Variants in CTNNA3 observed in about 807,000 individuals in gnomAD.
CTNNA3 encodes the protein catenin alpha 3, also known as catenin alpha-3.
A neutral mutation model predicts 95.7 loss-of-function variants in CTNNA3; 76 were observed. The ratio of observed to expected loss-of-function variants is 0.79; its 90% CI spans 0.66 to 0.96. The LOEUF (loss-of-function observed/expected upper bound fraction) is 0.96, where lower values mean the gene tolerates loss of function less well. CTNNA3 is among the 40% of genes least tolerant of loss of function. The pLI is 0.00. For synonymous variants in CTNNA3, 431 were observed against 374.4 expected (o/e 1.15, Z -1.74); for missense variants, 1,191 against 1,089.8 (o/e 1.09, Z -1.31).
At chr10:66,896,728 C>A (rs1916382) in intron 7 of CTNNA3, among the ~76,000 whole-genome samples, 60,418 of 152,046 alleles carry the variant, frequency 0.4, 12,319 homozygotes, top group Non-Finnish European at 0.44. Flanking sequence ...CCTCCTCTTG[C>A]TAGCGTCCAT....
At chr10:66,674,866 T>A (rs1397131475) in intron 9 of CTNNA3, among the ~76,000 whole-genome samples, 1 of 152,040 alleles carries the variant, frequency 6.6e-6, no homozygotes, top group Non-Finnish European at 1.5e-5. Context: ...CCCAGGTGCA[T>A]ATGCTGGAAA....
chr10:66,455,362 G>A (rs1290030527), intron 11 of CTNNA3, among the ~76,000 whole-genome samples: 3 of 152,098 alleles, frequency 2.0e-5, no homozygotes, highest in Non-Finnish European at 4.4e-5. Context: ...GAAATCCCAA[G>A]AAATCCACAA....
At chr10:66,613,831 G>T (rs1427211997) in intron 10 of CTNNA3, among the ~76,000 whole-genome samples, 1 of 151,936 alleles carries the variant, frequency 6.6e-6, no homozygotes, top group African/African-American at 2.4e-5. Context: ...GATTCTTAAA[G>T]AATATGGTCA....
chr10:67,220,496 A>T (rs1248040658), intron 5 of CTNNA3, among the ~76,000 whole-genome samples: 4 of 152,170 alleles, frequency 2.6e-5, no homozygotes, highest in Non-Finnish European at 4.4e-5. Flanking sequence ...TTTGGGGGGA[A>T]AGGGCCTACA....
At chr10:66,601,995 T>C (rs1178725595) in intron 10 of CTNNA3, among the ~76,000 whole-genome samples, 1 of 151,944 alleles carries the variant, frequency 6.6e-6, no homozygotes, top group African/African-American at 2.4e-5. Context: ...GACACTAGCA[T>C]TGTCAGTTAT....
chr10:67,025,219 C>T (rs759435819), intron 7 of CTNNA3, among the ~76,000 whole-genome samples: 4 of 151,410 alleles, frequency 2.6e-5, no homozygotes, highest in African/African-American at 7.3e-5. Flanking sequence ...GTATCACCCA[C>T]CAATTGGCAC....
At chr10:66,805,342 C>G (rs1649264171) in intron 7 of CTNNA3, among the ~76,000 whole-genome samples, 1 of 151,314 alleles carries the variant, frequency 6.6e-6, no homozygotes, top group Non-Finnish European at 1.5e-5. Flanking sequence ...TTAGGGACTC[C>G]TGACACAGCT....
intron 12 of CTNNA3, among the ~76,000 whole-genome samples, chr10:66,337,551 C>A (rs560102750): frequency 6.6e-6 from 1 of 151,846 alleles, no homozygotes; most frequent in Non-Finnish European, 1.5e-5. Context: ...GGACTTTGAA[C>A]CAGGTCTGAC....
chr10:66,323,126 G>A (rs2092210637), intron 12 of CTNNA3, among the ~76,000 whole-genome samples: 1 of 151,484 alleles, frequency 6.6e-6, no homozygotes, highest in Non-Finnish European at 1.5e-5. Context: ...CACATTACGG[G>A]GTCCCTTTTA....
intron 3 of CTNNA3, among the ~76,000 whole-genome samples, chr10:67,580,949 A>G (rs1426327079): frequency 6.6e-6 from 1 of 152,266 alleles, no homozygotes; most frequent in Admixed American, 6.5e-5. Flanking sequence ...CAGCTTAAGG[A>G]GATTTTGGGC....
chr10:66,787,447 C>T (rs560161399), intron 7 of CTNNA3, among the ~76,000 whole-genome samples: 1 of 152,104 alleles, frequency 6.6e-6, no homozygotes, highest in East Asian at 1.9e-4. Flanking sequence ...AAGTTGGAGA[C>T]GACTTATTCA....
At chr10:67,628,115 ATT>A (rs890740824) in intron 2 of CTNNA3, among the ~76,000 whole-genome samples, 2 of 151,482 alleles carry the variant, frequency 1.3e-5, no homozygotes, top group Non-Finnish European at 2.9e-5. Context: ...AAAATTTACT[ATT>A]TGTTTTTAAA....
intron 5 of CTNNA3, among the ~76,000 whole-genome samples, chr10:67,483,048 A>G (rs1234581679): frequency 6.6e-6 from 1 of 152,160 alleles, no homozygotes; most frequent in Non-Finnish European, 1.5e-5. Flanking sequence ...AGAGAAATGC[A>G]AATCAAAACC....
intron 5 of CTNNA3, among the ~76,000 whole-genome samples, chr10:67,476,168 C>T (rs1434049140): frequency 1.3e-5 from 2 of 152,190 alleles, no homozygotes; most frequent in Non-Finnish European, 2.9e-5. Context: ...CGCGAGTGCA[C>T]TTGCTCACCC....
chr10:67,510,148 T>C (rs1373747861), intron 5 of CTNNA3, among the ~76,000 whole-genome samples: 1 of 152,214 alleles, frequency 6.6e-6, no homozygotes, highest in African/African-American at 2.4e-5. Flanking sequence ...TCCTGTTCAC[T>C]CTGATGGTAG....
intron 9 of CTNNA3, among the ~76,000 whole-genome samples, chr10:66,763,339 C>CAGAGAGAG (rs1435579566): frequency 9.0e-4 from 116 of 128,868 alleles, no homozygotes; most frequent in East Asian, 7.4e-3. Flanking sequence ...CACACACACA[C>CAGAGAGAG]ACAGAGAGAG....
At chr10:67,025,911 T>C (rs1316126514) in intron 7 of CTNNA3, among the ~76,000 whole-genome samples, 2 of 150,392 alleles carry the variant, frequency 1.3e-5, no homozygotes, top group African/African-American at 2.5e-5. Context: ...ATATACACCA[T>C]GGAATACTAT....
intron 11 of CTNNA3, among the ~76,000 whole-genome samples, chr10:66,426,648 G>A (rs2093244052): frequency 6.6e-6 from 1 of 151,212 alleles, no homozygotes; most frequent in South Asian, 2.1e-4. Flanking sequence ...TTTCTTTCTA[G>A]TAGCTTTTAA....
intron 5 of CTNNA3, among the ~76,000 whole-genome samples, chr10:67,296,488 G>T (rs1057093720): frequency 2.6e-5 from 4 of 152,326 alleles, no homozygotes; most frequent in African/African-American, 9.6e-5. Context: ...AAATGGCAGC[G>T]ATTTTAGAAG....
Sources: allele counts gnomAD v4.1 joint callset (sites outside exome capture counted in the v4.1 genomes callset), GRCh38; gene constraint gnomAD v4.1.1; transcripts MANE v1.5; gene names NCBI Gene and HGNC (gene_info 2026-07-23, HGNC 2026-07-21).